The following EPHA4 variants were observed in gnomAD, a reference collection of about 807,000 sequenced individuals.
EPHA4 encodes the protein ephrin type-A receptor 4.
A neutral mutation model predicts 108.3 loss-of-function variants in EPHA4; 19 were observed. The ratio of observed to expected loss-of-function variants is 0.18; its 90% confidence interval spans 0.12 to 0.26. The LOEUF (loss-of-function observed/expected upper bound fraction) is 0.26. Ranked by LOEUF, EPHA4 falls within the 10% of genes least tolerant of loss-of-function variation. The probability of loss-of-function intolerance (pLI) is 1.00; values close to 1 mark genes in which losing one functional copy is unlikely to be tolerated. For missense variants in EPHA4, 917 were observed against 1,254.0 expected, an observed-to-expected ratio of 0.73 and a Z score of 4.06; for synonymous variants, 449 against 455.5, an observed-to-expected ratio of 0.99 and a Z score of 0.18.
At chr2:221,464,588 C>T (rs1357349694) in intron 5 of EPHA4, among the ~76,000 whole-genome samples, 2 of 152,192 alleles carry the variant, frequency 1.3e-5, no homozygotes, top group Middle Eastern at 3.2e-3. Context: ...CTTTTTCTTA[C>T]TATCATCATT....
At chr2:221,568,917 G>A (rs1694747788) in intron 1 of EPHA4, 132 bp from the exon 2 acceptor site, 1 of 559,944 alleles carries the variant, frequency 1.8e-6, no homozygotes, top group Non-Finnish European at 3.0e-6. Context: ...CTAAACTTGG[G>A]CTCACTTATG....
At chr2:221,465,481 A>G (rs1289572942) in intron 5 of EPHA4, among the ~76,000 whole-genome samples, 6 of 152,148 alleles carry the variant, frequency 3.9e-5, no homozygotes, top group African/African-American at 1.4e-4. Flanking sequence ...AGGGAAGTTG[A>G]AGGTGTTGGG....
At chr2:221,535,587 GT>G (rs59938837) in intron 3 of EPHA4, among the ~76,000 whole-genome samples, 3,869 of 151,666 alleles carry the variant, frequency 0.026, 135 homozygotes, top group African/African-American at 0.081. Flanking sequence ...CTTTTTTTCT[GT>G]TTTTTTTCCT....
chr2:221,543,893 G>C (rs1693908734), intron 3 of EPHA4, among the ~76,000 whole-genome samples: 2 of 152,018 alleles, frequency 1.3e-5, no homozygotes. Flanking sequence ...TCATAAACTG[G>C]GTAACTTATA....
At chr2:221,463,755 A>G (rs3770169) in intron 5 of EPHA4, among the ~76,000 whole-genome samples, 1 of 152,320 alleles carries the variant, frequency 6.6e-6, no homozygotes, top group East Asian at 1.9e-4. Context: ...ATTTTACTGC[A>G]GCAGTTTGGT....
At chr2:221,495,949 T>TA (rs1264471055) in intron 4 of EPHA4, among the ~76,000 whole-genome samples, 1 of 152,126 alleles carries the variant, frequency 6.6e-6, no homozygotes, top group Non-Finnish European at 1.5e-5. Flanking sequence ...AAAGACAGCA[T>TA]AATGAACAAA....
intron 5 of EPHA4, among the ~76,000 whole-genome samples, chr2:221,467,010 A>T (rs1228863652): frequency 6.6e-6 from 1 of 152,220 alleles, no homozygotes; most frequent in African/African-American, 2.4e-5. Flanking sequence ...GTATCTGTGT[A>T]CATTGTCGGC....
At chr2:221,511,555 C>T (rs1032214529) in intron 3 of EPHA4, among the ~76,000 whole-genome samples, 1 of 129,904 alleles carries the variant, frequency 7.7e-6, no homozygotes, top group Non-Finnish European at 1.8e-5. Context: ...TATAAATCTT[C>T]TTCCACCACA....
chr2:221,474,422 T>A (rs932458700), intron 5 of EPHA4, among the ~76,000 whole-genome samples: 2 of 143,930 alleles, frequency 1.4e-5, no homozygotes, highest in African/African-American at 2.6e-5. Context: ...GACTGTTTCT[T>A]AAAAAAAAAA....
At chr2:221,479,519 C>T (rs1386311101) in intron 5 of EPHA4, among the ~76,000 whole-genome samples, 1 of 152,122 alleles carries the variant, frequency 6.6e-6, no homozygotes, top group Non-Finnish European at 1.5e-5. Flanking sequence ...GACACCATTG[C>T]CTATAGTGGT....
chr2:221,540,835 A>G (rs1242755113), intron 3 of EPHA4, among the ~76,000 whole-genome samples: 3 of 152,140 alleles, frequency 2.0e-5, no homozygotes, highest in African/African-American at 7.2e-5. Flanking sequence ...TGACATAGGC[A>G]ACAGAGGGAG....
intron 3 of EPHA4, among the ~76,000 whole-genome samples, chr2:221,506,455 T>C (rs1235072090): frequency 3.3e-5 from 5 of 152,312 alleles, no homozygotes; most frequent in African/African-American, 9.6e-5. Context: ...AGATGGAATA[T>C]TAAGGCACAA....
intron 3 of EPHA4, among the ~76,000 whole-genome samples, chr2:221,549,636 AC>A (rs1371885196): frequency 2.6e-5 from 4 of 152,206 alleles, no homozygotes; most frequent in Non-Finnish European, 5.9e-5. Flanking sequence ...CTATGAACTA[AC>A]TGAGTTTAAC....
chr2:221,557,005 C>A (rs10932919), intron 3 of EPHA4, among the ~76,000 whole-genome samples: 21,582 of 152,142 alleles, frequency 0.14, 2,077 homozygotes, highest in East Asian at 0.37. Context: ...CTTCTGTATT[C>A]AACTTAATAA....
chr2:221,568,864 T>C, intron 1 of EPHA4, 79 bp from the exon 2 acceptor site: 1 of 1,230,368 alleles, frequency 8.1e-7, no homozygotes, highest in Non-Finnish European at 1.2e-6. Flanking sequence ...CCTGAGCGTT[T>C]CCATATGTGC....
chr2:221,528,361 T>G (rs1186744960), intron 3 of EPHA4, among the ~76,000 whole-genome samples: 1 of 152,168 alleles, frequency 6.6e-6, no homozygotes, highest in Non-Finnish European at 1.5e-5. Context: ...GAAGTGTATA[T>G]TAACCATTAG....
At chr2:221,570,611 A>T in intron 1 of EPHA4, among the ~76,000 whole-genome samples, 1 of 152,178 alleles carries the variant, frequency 6.6e-6, no homozygotes, top group East Asian at 1.9e-4. Context: ...AATCTCTCAG[A>T]GCCTCCGTCT....
At chr2:221,489,474 T>C (rs2106147506) in intron 4 of EPHA4, among the ~76,000 whole-genome samples, 1 of 152,316 alleles carries the variant, frequency 6.6e-6, no homozygotes, top group African/African-American at 2.4e-5. Flanking sequence ...CTGGTAGTTC[T>C]GCTTGGAATT....
chr2:221,484,941 C>A (rs554187282), intron 4 of EPHA4, among the ~76,000 whole-genome samples: 6 of 152,240 alleles, frequency 3.9e-5, no homozygotes, highest in African/African-American at 1.4e-4. Context: ...TATCTTCAGC[C>A]CTGTTTTAAT....
Sources: allele counts gnomAD v4.1 joint callset (sites outside exome capture counted in the v4.1 genomes callset), GRCh38; gene constraint gnomAD v4.1.1; transcripts MANE v1.5; gene names NCBI Gene and HGNC (gene_info 2026-07-23, HGNC 2026-07-21).